The following NCAM1 variants were observed in gnomAD, a reference collection of about 807,000 sequenced individuals.
The protein encoded by NCAM1 is neural cell adhesion molecule 1.
A neutral mutation model predicts 109.8 loss-of-function variants in NCAM1; 14 were observed. The observed-to-expected ratio is 0.13, with a 90% CI of 0.08 to 0.20. The LOEUF (loss-of-function observed/expected upper bound fraction) is 0.20. Ranked by LOEUF, NCAM1 falls within the 10% of genes least tolerant of loss-of-function variation. The pLI is 1.00. For missense variants in NCAM1, 774 were observed against 1,109.9 expected (o/e 0.70, Z 4.30); for synonymous variants, 418 against 442.9 (o/e 0.94, Z 0.70).
intron 1 of NCAM1, among the ~76,000 whole-genome samples, chr11:113,171,221 A>G (rs1322744265): frequency 6.6e-6 from 1 of 152,242 alleles, no homozygotes; most frequent in African/African-American, 2.4e-5. Flanking sequence ...GCCAAAGCAT[A>G]CAGCTCTTAA....
chr11:113,188,572 T>A (rs1943581441), intron 1 of NCAM1, among the ~76,000 whole-genome samples: 1 of 152,236 alleles, frequency 6.6e-6, no homozygotes, highest in Non-Finnish European at 1.5e-5. Flanking sequence ...GTCTGAGGGC[T>A]TCTCAGTTTT....
chr11:113,203,806 T>C (rs1295007244), intron 2 of NCAM1, among the ~76,000 whole-genome samples: 2 of 152,218 alleles, frequency 1.3e-5, no homozygotes, highest in Non-Finnish European at 2.9e-5. Context: ...TGCACTCCTA[T>C]ACTAGCCAGT....
intron 1 of NCAM1, among the ~76,000 whole-genome samples, chr11:113,148,005 A>G (rs1942078583): frequency 6.6e-6 from 1 of 152,250 alleles, no homozygotes; most frequent in East Asian, 1.9e-4. Context: ...AAATGGGTGA[A>G]TGCTCTACAA....
chr11:113,177,964 G>T (rs1427102516), intron 1 of NCAM1, among the ~76,000 whole-genome samples: 2 of 152,142 alleles, frequency 1.3e-5, no homozygotes, highest in Non-Finnish European at 2.9e-5. Flanking sequence ...TTCACTAGAG[G>T]AGAGTGGGTG....
intron 9 of NCAM1, among the ~76,000 whole-genome samples, chr11:113,226,933 G>T (rs1287200328): frequency 6.6e-6 from 1 of 152,222 alleles, no homozygotes; most frequent in Non-Finnish European, 1.5e-5. Context: ...TTAAAGCAGT[G>T]TGTAGAGGGA....
intron 1 of NCAM1, among the ~76,000 whole-genome samples, chr11:113,004,188 T>C (rs905970590): frequency 1.1e-4 from 16 of 152,212 alleles, no homozygotes; most frequent in Admixed American, 9.8e-4. Context: ...CACACACATA[T>C]ATACACTTAA....
At chr11:113,199,829 T>TGGAAAAAA (rs60389510) in intron 1 of NCAM1, among the ~76,000 whole-genome samples, 8 of 115,766 alleles carry the variant, frequency 6.9e-5, no homozygotes, top group African/African-American at 2.4e-4. Flanking sequence ...GAAACACCCT[T>TGGAAAAAA]AAAAAAAAAA....
intron 11 of NCAM1, 48 bp downstream of exon 11, chr11:113,232,402 T>C: frequency 6.5e-7 from 1 of 1,531,596 alleles, no homozygotes; most frequent in South Asian, 1.3e-5. Context: ...ACAGTTTGAC[T>C]CTAGGTGGGC....
At chr11:113,157,179 G>A in intron 1 of NCAM1, among the ~76,000 whole-genome samples, 1 of 146,078 alleles carries the variant, frequency 6.8e-6, no homozygotes, top group East Asian at 2.1e-4. Context: ...TAAGAACCCT[G>A]GCATGTTCTG....
chr11:113,009,312 G>GTTTTTTTGTTGTTTTTTT lies in NCAM1; in HGVS notation c.52+47655_52+47656insGTTGTTTTTTTTTTTTTT, dbSNP rs1555073910. Among the ~76,000 whole-genome samples the GTTTTTTTGTTGTTTTTTT allele has an allele frequency of 1.7e-3, 137 of 79,664 alleles. 2 individuals carry two copies. Among genetic ancestry groups the GTTTTTTTGTTGTTTTTTT allele is most frequent in the East Asian group, 0.012 (23 of 1,918 alleles). 52.3% of individuals were successfully genotyped at this position (79,664 alleles called of 152,430 possible). On this transcript the variant is annotated intron_variant, in intron 1 of 19. Coordinates refer to ENST00000316851, the MANE Select transcript of NCAM1 (RefSeq NM_181351.5). ...GATTTAATTGGAAGGGTTTTTTCGG[G>GTTTTTTTGTTGTTTTTTT]TTTTTTTTTTTTTTTTTTTTTTTTT...
intron 1 of NCAM1, among the ~76,000 whole-genome samples, chr11:113,066,556 G>T (rs911511506): frequency 3.9e-5 from 6 of 152,104 alleles, no homozygotes; most frequent in Non-Finnish European, 8.8e-5. Context: ...AAAGATATTG[G>T]TTGACCTTCA....
At chr11:112,986,789 T>C (rs1471204918) in intron 1 of NCAM1, among the ~76,000 whole-genome samples, 1 of 152,030 alleles carries the variant, frequency 6.6e-6, no homozygotes, top group Non-Finnish European at 1.5e-5. Context: ...TTCTTCTCTC[T>C]CTTTTTTTAG....
At position 113,274,833 on chromosome 11, in the gene NCAM1, C is replaced by G. The variant is rs1223666140; in HGVS notation, c.2457-434C>G. 3.3e-5 allele frequency among the ~76,000 whole-genome samples: 5 copies of G among 152,206 alleles called. No individual in the cohort carries two copies. The highest frequency in any genetic ancestry group is 7.3e-5 in the Non-Finnish European group (5 of 68,034). ...CCTGAAATCAGTGCTGGGAGCCCAG[C>G]CCAGCCCAGCAGGCTGCATTTACAT... On this transcript the variant is annotated intron_variant, in intron 19 of 19. Transcript: ENST00000316851. This position sits in a 1 kb window ranked among gnomAD's most constrained non-coding sequence, Gnocchi z 4.1.
At chr11:113,125,679 C>G (rs1555096946) in intron 1 of NCAM1, among the ~76,000 whole-genome samples, 1 of 152,212 alleles carries the variant, frequency 6.6e-6, no homozygotes, top group Non-Finnish European at 1.5e-5. Context: ...GATGCCAGGT[C>G]ACCAGGTTGG....
intron 1 of NCAM1, among the ~76,000 whole-genome samples, chr11:113,138,116 G>A (rs1301847908): frequency 6.6e-6 from 1 of 152,104 alleles, no homozygotes; most frequent in Non-Finnish European, 1.5e-5. Flanking sequence ...AGCCACTGTT[G>A]TTAGGCTCAG....
chr11:113,235,878 G>A (rs747806476), intron 14 of NCAM1, among the ~76,000 whole-genome samples: 9 of 152,158 alleles, frequency 5.9e-5, no homozygotes, highest in African/African-American at 2.2e-4. Context: ...CAGGCTGTGG[G>A]CAAGCCCTGC....
chr11:113,205,428 G>A (rs1555112683), intron 3 of NCAM1, 95 bp from the exon 4 acceptor site: 2 of 1,466,838 alleles, frequency 1.4e-6, no homozygotes, highest in Non-Finnish European at 1.8e-6. Context: ...ATCGAGACTT[G>A]CCCAGGACTC....
At chr11:113,044,616 C>T (rs530343381) in intron 1 of NCAM1, among the ~76,000 whole-genome samples, 292 of 151,934 alleles carry the variant, frequency 1.9e-3, no homozygotes, top group South Asian at 9.4e-3. Flanking sequence ...ATCTGGGAGG[C>T]GGAGGTTGCA....
chr11:113,021,816 C>T (rs1465154089), intron 1 of NCAM1, among the ~76,000 whole-genome samples: 1 of 152,132 alleles, frequency 6.6e-6, no homozygotes, highest in Non-Finnish European at 1.5e-5. Context: ...CTTGGCTAGC[C>T]TTTAGGATAA....
Sources: gnomAD v4.1 joint callset for allele counts (sites outside exome capture counted in the v4.1 genomes callset) on GRCh38, gnomAD v4.1.1 for gene constraint, Gnocchi (gnomAD v3.1) non-coding constraint, MANE v1.5 for transcripts, NCBI Gene and HGNC (gene_info 2026-07-23, HGNC 2026-07-21) for gene names.